The following VMA21 variants were observed in gnomAD, a reference collection of about 807,000 sequenced individuals.
VMA21 encodes the protein vacuolar ATPase assembly integral membrane protein VMA21.
For synonymous variants in VMA21, 47 were observed against 34.1 expected (o/e 1.38, Z -1.32); for missense variants, 61 against 80.6 (o/e 0.76, Z 0.93).
intron 1 of VMA21, among the ~76,000 whole-genome samples, chrX:151,399,394 A>G (rs753083872): frequency 8.9e-6 from 1 of 112,367 alleles, no homozygotes; most frequent in East Asian, 2.8e-4. Context: ...AGACCAGATA[A>G]TAGATACTCA....
At chrX:151,396,937 C>T (rs2011193949), upstream of VMA21, 5 of 524,479 alleles carry the variant, frequency 9.5e-6, no homozygotes, top group Middle Eastern at 3.2e-4. Flanking sequence ...CGCCGCCCGC[C>T]CAGGAGGACC....
chrX:151,401,209 A>G (rs1404650381), intron 1 of VMA21, among the ~76,000 whole-genome samples: 1 of 111,575 alleles, frequency 9.0e-6, no homozygotes, highest in African/African-American at 3.3e-5. Context: ...ATTTTTGTTT[A>G]TGGTGTAAGA....
At chrX:151,403,252 G>A (rs376199216) in intron 1 of VMA21, among the ~76,000 whole-genome samples, 3 of 112,926 alleles carry the variant, frequency 2.7e-5, no homozygotes, top group Non-Finnish European at 3.8e-5. Flanking sequence ...CACGGTTGCC[G>A]CATGGGTTGG....
rs1400287015 is a variant in VMA21 at position 151,406,088 on chromosome X, TTTG to T, written c.*1033_*1035del. On this transcript the variant is annotated 3_prime_UTR_variant, in exon 3 of 3. Coordinates refer to ENST00000330374, the MANE Select transcript of VMA21 (RefSeq NM_001017980.4). ...CAATCTAAAAACACTCCCACAAGTATTTGTTTTTTAATTATAAAATCATAGTAT... is the reference window on the plus strand; with the variant it reads ...CAATCTAAAAACACTCCCACAAGTATTTTTTTAATTATAAAATCATAGTAT... 1 of 111,801 alleles carries T rather than the reference TTTG, an allele frequency of 8.9e-6. No individual in the cohort carries two copies. Among genetic ancestry groups the T allele is most frequent in the African/African-American group, 3.2e-5 (1 of 30,773 alleles). 9.2% of individuals were successfully genotyped at this position (111,801 alleles called of 1,213,427 possible).
At chrX:151,401,121 G>C (rs1179544055) in intron 1 of VMA21, among the ~76,000 whole-genome samples, 1 of 111,853 alleles carries the variant, frequency 8.9e-6, no homozygotes, top group Non-Finnish European at 1.9e-5. Context: ...CCAATGTTAA[G>C]GACCTTTCCC....
In VMA21 at chrX:151,409,350, GTGTT is replaced by G. The variant is rs765918705; in HGVS notation, c.*4296_*4299del. The stretch of plus-strand genomic sequence containing the variant: ...GTACCATCTGATGTCATTAAAAAAA[GTGTT>G]TGTAGTGCTACTTTGCTGTGTCCTG... On this transcript the variant is annotated 3_prime_UTR_variant, in exon 3 of 3. Coordinates refer to ENST00000330374, the MANE Select transcript of VMA21 (RefSeq NM_001017980.4). 8.9e-6 allele frequency: 1 copy of G among 111,879 alleles called. No homozygotes were observed. Among genetic ancestry groups the G allele is most frequent in the Non-Finnish European group, 1.9e-5 (1 of 53,261 alleles). 9.2% of individuals were successfully genotyped at this position (111,879 alleles called of 1,213,427 possible).
At chrX:151,404,725 A>G (rs1408143233) in intron 2 of VMA21, among the ~76,000 whole-genome samples, 191 bp from the exon 3 acceptor site, 1 of 112,119 alleles carries the variant, frequency 8.9e-6, no homozygotes, top group Non-Finnish European at 1.9e-5. Context: ...CGGCCAACAT[A>G]ATGTTCTTAA....
chrX:151,403,273 C>T (rs1216154529), intron 1 of VMA21, among the ~76,000 whole-genome samples: 1 of 112,853 alleles, frequency 8.9e-6, no homozygotes, highest in African/African-American at 3.2e-5. Flanking sequence ...GCACTGGTGC[C>T]GCTGTCCGCC....
In VMA21 at chrX:151,407,920, T is replaced by A. The variant is rs943475319; in HGVS notation, c.*2862T>A. 1 of 109,672 alleles carries A rather than the reference T, an allele frequency of 9.1e-6. No homozygotes were observed. Among genetic ancestry groups the A allele is most frequent in the African/African-American group, 3.3e-5 (1 of 30,095 alleles). 9.0% of individuals were successfully genotyped at this position (109,672 alleles called of 1,213,427 possible). On this transcript the variant is annotated 3_prime_UTR_variant, in exon 3 of 3. Transcript: ENST00000330374. ...TTTTTTTTTTTTTCGAGACGGAGTT[T>A]TGCCCTTCTTGCCCAGGCTGGAGTG...
At chrX:151,399,776 G>T (rs890437256) in intron 1 of VMA21, among the ~76,000 whole-genome samples, 20 of 57,139 alleles carry the variant, frequency 3.5e-4, no homozygotes, top group Non-Finnish European at 4.8e-4. Context: ...GAAAATATTA[G>T]AACTTTTTTT....
chrX:151,406,766 A>G lies in VMA21; in HGVS notation c.*1708A>G, dbSNP rs188510420. The G allele has an allele frequency of 1.6e-3, 183 of 112,091 alleles. No homozygotes were observed. Among genetic ancestry groups the G allele is most frequent in the African/African-American group, 5.6e-3 (174 of 30,889 alleles). The allele number at this position is 112,091 out of a possible 1,213,427, so 9.2% of individuals were successfully genotyped here. The stretch of plus-strand genomic sequence containing the variant: ...TGTTACTGATAATCCTAATACTAGG[A>G]TTCTTGCTTAAGTATGTGAAACCAT... On this transcript the variant is annotated 3_prime_UTR_variant, in exon 3 of 3. Coordinates refer to ENST00000330374, the MANE Select transcript of VMA21 (RefSeq NM_001017980.4).
chrX:151,397,653 T>C (rs2011204999), intron 1 of VMA21, among the ~76,000 whole-genome samples: 1 of 112,799 alleles, frequency 8.9e-6, no homozygotes, highest in South Asian at 3.7e-4. Context: ...TCTCTTTCAT[T>C]ACCGCAGGGT....
In VMA21 at chrX:151,405,733, C is replaced by T. The variant is rs986284351; in HGVS notation, c.*675C>T. ...AGCCTGCTTCCTTCAAGTCCCCTTG[C>T]AGGCCAGCTTTGTGCTTTGCAGACC... is the stretch of plus-strand genomic sequence containing the variant. On this transcript the variant is annotated 3_prime_UTR_variant, in exon 3 of 3. Transcript: ENST00000330374. 2 of 112,424 alleles carry T rather than the reference C, an allele frequency of 1.8e-5. No individual in the cohort carries two copies. Among genetic ancestry groups the T allele is most frequent in the African/African-American group, 3.2e-5 (1 of 30,938 alleles). 9.3% of individuals were successfully genotyped at this position (112,424 alleles called of 1,213,427 possible). A position where few individuals can be genotyped will look rare whatever the true frequency, so the allele number is the denominator to read the frequency against.
upstream of VMA21, chrX:151,396,837 C>T (rs1315540928): frequency 1.0e-4 from 52 of 516,294 alleles, no homozygotes; most frequent in East Asian, 1.9e-3. Flanking sequence ...CTTCGCGGCT[C>T]ATATGCTCGG....
chrX:151,408,284 T>A lies in VMA21; in HGVS notation c.*3226T>A, dbSNP rs747569974. 3.6e-5 allele frequency: 4 copies of A among 111,933 alleles called. No homozygotes were observed. The South Asian group carries it at 1.5e-3, about 42-fold the overall frequency. 9.2% of individuals were successfully genotyped at this position (111,933 alleles called of 1,213,427 possible). On this transcript the variant is annotated 3_prime_UTR_variant, in exon 3 of 3. Transcript: ENST00000330374. ...GTTTGGCGTTTGTTTTCCATTTTCA[T>A]GTCAATTTTATGTATACAGTTAGAA... is the stretch of plus-strand genomic sequence containing the variant.
intron 1 of VMA21, among the ~76,000 whole-genome samples, chrX:151,401,728 G>T (rs747878094): frequency 9.0e-6 from 1 of 111,081 alleles, no homozygotes. Flanking sequence ...GTCACTCATC[G>T]CCTTGGTTAA....
chrX:151,397,408 T>C lies in VMA21; in HGVS notation c.53+47T>C, dbSNP rs1211213278. On this transcript the variant is annotated intron_variant, in intron 1 of 2. Coordinates refer to ENST00000330374, the MANE Select transcript of VMA21 (RefSeq NM_001017980.4). ...ACCGCGAGGCGGACTGGCCCCAGCCTGGAGCAGGGCTTGAGGGAAGGCCCT... is the reference window on the plus strand; with the variant it reads ...ACCGCGAGGCGGACTGGCCCCAGCCCGGAGCAGGGCTTGAGGGAAGGCCCT... 3.5e-6 allele frequency: 4 copies of C among 1,143,590 alleles called. No homozygotes were observed. The Admixed American group carries it at 1.0e-4, about 30-fold the overall frequency. The allele number at this position is 1,143,590 out of a possible 1,213,427, so 94.2% of individuals were successfully genotyped here. A position where few individuals can be genotyped will look rare whatever the true frequency, so the allele number is the denominator to read the frequency against.
chrX:151,404,550 C>T (rs990915919), intron 2 of VMA21, among the ~76,000 whole-genome samples: 7 of 111,083 alleles, frequency 6.3e-5, no homozygotes, highest in Non-Finnish European at 1.1e-4. Flanking sequence ...TCCCGAGTAG[C>T]TGGGACTACA....
At chrX:151,401,464 CTTT>C (rs914023342) in intron 1 of VMA21, among the ~76,000 whole-genome samples, 1 of 112,163 alleles carries the variant, frequency 8.9e-6, no homozygotes, top group Non-Finnish European at 1.9e-5. Flanking sequence ...ATGCTTACAA[CTTT>C]TTCAATGTTG....
Sources: gnomAD v4.1 joint callset for allele counts (sites outside exome capture counted in the v4.1 genomes callset) on GRCh38, gnomAD v4.1.1 for gene constraint, MANE v1.5 for transcripts, NCBI Gene and HGNC (gene_info 2026-07-23, HGNC 2026-07-21) for gene names.